The following RELN variants were observed in gnomAD, a reference collection of about 807,000 sequenced individuals.
RELN encodes the protein reelin.
Under a neutral mutation model 427.6 loss-of-function variants are expected in RELN, and 108 were observed. The observed-to-expected ratio is 0.25, with a 90% CI of 0.22 to 0.30. The LOEUF is 0.30. Ranked by LOEUF, RELN falls within the 10% of genes least tolerant of loss-of-function variation. The pLI is 1.00. For missense variants in RELN, 3,715 were observed against 4,302.8 expected (o/e 0.86, Z 3.82); for synonymous variants, 1,524 against 1,513.4 (o/e 1.01, Z -0.16).
intron 46 of RELN, among the ~76,000 whole-genome samples, chr7:103,531,201 C>A (rs1829930573): frequency 6.6e-6 from 1 of 152,170 alleles, no homozygotes; most frequent in South Asian, 2.1e-4. Context: ...AAAGGATCTC[C>A]ATTTTTCAGA....
At chr7:103,652,881 C>T (rs539922149) in intron 13 of RELN, 122 bp from the exon 14 acceptor site, 36 of 823,924 alleles carry the variant, frequency 4.4e-5, no homozygotes, top group Middle Eastern at 2.5e-4. Context: ...CACCAGGACA[C>T]GTCCTTTGTG....
chr7:103,906,046 G>A (rs1003256614), intron 2 of RELN, among the ~76,000 whole-genome samples: 51 of 152,222 alleles, frequency 3.4e-4, no homozygotes, highest in African/African-American at 1.2e-3. Context: ...CTGTGTGTGG[G>A]TTATTTTAAT....
intron 12 of RELN, among the ~76,000 whole-genome samples, chr7:103,657,957 T>G (rs1833056364): frequency 6.6e-6 from 1 of 152,100 alleles, no homozygotes; most frequent in Non-Finnish European, 1.5e-5. Flanking sequence ...CAGTAAACTG[T>G]GTTGTGCTGC....
At chr7:103,673,250 G>T (rs188257390) in intron 11 of RELN, among the ~76,000 whole-genome samples, 320 of 151,984 alleles carry the variant, frequency 2.1e-3, no homozygotes, top group Non-Finnish European at 3.2e-3. Context: ...TTAACCTAAT[G>T]CTTTAGAAGT....
intron 3 of RELN, among the ~76,000 whole-genome samples, chr7:103,783,561 T>C (rs958118805): frequency 2.0e-5 from 3 of 152,236 alleles, no homozygotes; most frequent in East Asian, 1.9e-4. Flanking sequence ...ATAAATACTT[T>C]ATCTCCTTGA....
chr7:103,722,988 T>C, intron 8 of RELN, 152 bp downstream of exon 8: 3 of 623,916 alleles, frequency 4.8e-6, no homozygotes, highest in Non-Finnish European at 8.8e-6. Flanking sequence ...AATATTTATT[T>C]CACTTTAAAA....
chr7:103,949,846 C>G (rs1297914260), intron 1 of RELN, among the ~76,000 whole-genome samples: 2 of 152,140 alleles, frequency 1.3e-5, no homozygotes, highest in Non-Finnish European at 2.9e-5. Flanking sequence ...CACTGAATTA[C>G]AAGATCCATA....
At chr7:103,586,927 G>A (rs1831287166) in intron 28 of RELN, among the ~76,000 whole-genome samples, 2 of 152,234 alleles carry the variant, frequency 1.3e-5, no homozygotes, top group Admixed American at 6.5e-5. Context: ...ATGGATTGAA[G>A]AATCAATATT....
intron 6 of RELN, among the ~76,000 whole-genome samples, chr7:103,737,199 T>C (rs991771533): frequency 6.6e-6 from 1 of 152,122 alleles, no homozygotes; most frequent in Non-Finnish European, 1.5e-5. Context: ...TTGTGTCTGA[T>C]TTTTTTCATC....
chr7:103,565,290 G>A lies in RELN; in HGVS notation c.5198C>T (p.Pro1733Leu), dbSNP rs766044902. Residue 1733 changes from proline to leucine, a missense_variant, in exon 34 of 65, where the codon CCA becomes CTA. Physicochemically the swap from Pro to Leu is moderately conservative, Grantham distance 98 (BLOSUM62 -3). Transcript: ENST00000428762. ...TGACAATTCTCACATGGTGGAGAGT[G>A]GAAGGTAGACAGTGATCCGCTTCCA... ...QNWKRITVYL[P>L]LSTISPRTRF... 1 of 1,614,150 alleles carries A rather than the reference G, an allele frequency of 6.2e-7. No homozygotes were observed. Among genetic ancestry groups the A allele is most frequent in the South Asian group, 1.1e-5 (1 of 91,076 alleles).
chr7:103,666,735 T>C (rs1833276294), intron 11 of RELN, among the ~76,000 whole-genome samples: 1 of 152,210 alleles, frequency 6.6e-6, no homozygotes, highest in Non-Finnish European at 1.5e-5. Context: ...TTCCTCAGTT[T>C]AGAATTTTCC....
chr7:103,911,409 C>G (rs1204713516), intron 2 of RELN, among the ~76,000 whole-genome samples: 3 of 141,166 alleles, frequency 2.1e-5, no homozygotes, highest in Admixed American at 7.1e-5. Context: ...GTTGGTGGGA[C>G]TGTAAACTAG....
At position 103,604,293 on chromosome 7, in the gene RELN, C is replaced by T; in HGVS notation, c.3146+53G>A. On this transcript the variant is annotated intron_variant, in intron 23 of 64. Coordinates refer to ENST00000428762, the MANE Select transcript of RELN (RefSeq NM_005045.4). ...TGATGACAACTGCTGTGGTATCCTC[C>T]AGCCACAAATCTTGAGAAGCATGGA... is the stretch of plus-strand genomic sequence containing the variant. 5 of 1,609,836 alleles carry T rather than the reference C, an allele frequency of 3.1e-6. No homozygotes were observed. In the South Asian group the frequency reaches 4.4e-5, roughly 14 times the overall value.
chr7:103,989,093 C>CCCGG lies in RELN; in HGVS notation c.226+34_226+37dup. The CCCGG allele has an allele frequency of 6.3e-7, 1 of 1,588,438 alleles. No individual in the cohort carries two copies. The highest frequency in any genetic ancestry group is 8.6e-7 in the Non-Finnish European group (1 of 1,159,524). On this transcript the variant is annotated intron_variant, in intron 1 of 64. Transcript: ENST00000428762. The surrounding 1 kb of genome is among the most constrained non-coding windows in gnomAD (Gnocchi z 4.9). ...TGAGAAAGGTGCGCTGGCGGGCGCA[C>CCCGG]CCGGCGGCGGCGAGCGCGGAGGTGC...
At chr7:103,881,017 C>T (rs1326293660) in intron 2 of RELN, among the ~76,000 whole-genome samples, 1 of 152,162 alleles carries the variant, frequency 6.6e-6, no homozygotes, top group Non-Finnish European at 1.5e-5. Context: ...TTATCAGTTA[C>T]TATTAATGTA....
At chr7:103,773,965 A>G (rs78249197) in intron 4 of RELN, among the ~76,000 whole-genome samples, 6,137 of 152,212 alleles carry the variant, frequency 0.04, 161 homozygotes, top group African/African-American at 0.076. Flanking sequence ...GTGAGCTAGG[A>G]CAGAGGTCTT....
At chr7:103,619,976 C>T (rs888387529) in intron 20 of RELN, among the ~76,000 whole-genome samples, 3 of 152,128 alleles carry the variant, frequency 2.0e-5, no homozygotes, top group African/African-American at 7.2e-5. Flanking sequence ...TAGCTGTTTC[C>T]AGCTCCTCCT....
chr7:103,731,862 C>A (rs1303622623), intron 6 of RELN, among the ~76,000 whole-genome samples: 1 of 152,068 alleles, frequency 6.6e-6, no homozygotes, highest in Admixed American at 6.6e-5. Context: ...TTTTATTTAA[C>A]TCAATATATT....
In RELN at chr7:103,859,878, G is replaced by A. The variant is rs1794032463; in HGVS notation, c.338-26206C>T. 4.6e-5 allele frequency among the ~76,000 whole-genome samples: 7 copies of A among 152,062 alleles called. No homozygotes were observed. The South Asian group carries it at 1.5e-3, about 32-fold the overall frequency. ...GTTTGGCTATCACTGAGATTACACA[G>A]ATAAAAGAAGATATCCAATGTAAGA... is the stretch of plus-strand genomic sequence containing the variant. On this transcript the variant is annotated intron_variant, in intron 2 of 64. Transcript: ENST00000428762.
Sources: gnomAD v4.1 joint callset for allele counts (sites outside exome capture counted in the v4.1 genomes callset) on GRCh38, gnomAD v4.1.1 for gene constraint, Gnocchi (gnomAD v3.1) non-coding constraint, MANE v1.5 for transcripts, NCBI Gene and HGNC (gene_info 2026-07-23, HGNC 2026-07-21) for gene names.